FBXO7: variants seen among roughly 807,000 people sequenced by gnomAD.
The protein encoded by FBXO7 is F-box protein 7, also known as F-box only protein 7.
FBXO7 carries 31 observed loss-of-function variants against 50.2 expected under a neutral mutation model. The ratio of observed to expected loss-of-function variants is 0.62; its 90% confidence interval spans 0.46 to 0.83. The LOEUF (loss-of-function observed/expected upper bound fraction) is 0.83. Among genes scored for constraint, FBXO7 ranks in the 40% least tolerant of loss-of-function variants. The pLI, the probability that FBXO7 is intolerant of heterozygous loss-of-function variation, is 0.00. For synonymous variants in FBXO7, 256 were observed against 253.1 expected (o/e 1.01, Z -0.11); for missense variants, 667 against 646.6 (o/e 1.03, Z -0.34).
rs1568976180 is a variant in FBXO7, at chr22:32,487,724, CTTTCT to C, written c.788-17_788-13del. The C allele has an allele frequency of 1.3e-6, 2 of 1,523,212 alleles. No homozygotes were observed. The highest frequency in any genetic ancestry group is 3.4e-5 in the Admixed American group (2 of 59,360). 94.4% of individuals were successfully genotyped at this position (1,523,212 alleles called of 1,614,324 possible). A position where few individuals can be genotyped will look rare whatever the true frequency, so the allele number is the denominator to read the frequency against. Reference sequence around the variant, plus strand: ...ATGAAGTGACAGAATTCTTTATCATCTTTCTTTTGTTTATTTACAGCTACACTAAA... The same window carrying C: ...ATGAAGTGACAGAATTCTTTATCATCTTTGTTTATTTACAGCTACACTAAA... On this transcript the variant is annotated splice_polypyrimidine_tract_variant and intron_variant, in intron 4 of 8. Transcript: ENST00000266087.
chr22:32,475,379 G>C, intron 1 of FBXO7: 2 of 1,611,374 alleles, frequency 1.2e-6, no homozygotes, highest in Middle Eastern at 1.7e-4. Context: ...GGCCTCCCGG[G>C]GGCTCTGGTC....
chr22:32,493,213 G>T lies in FBXO7; in HGVS notation c.1076G>T (p.Cys359Phe), dbSNP rs760820410. Residue 359 changes from cysteine to phenylalanine, a missense_variant, in exon 7 of 9, where the codon TGT (cysteine) becomes TTT (phenylalanine). Physicochemically the swap from Cys to Phe is radical, Grantham distance 205. Coordinates refer to ENST00000266087, the MANE Select transcript of FBXO7 (RefSeq NM_012179.4). ...TCCGTCTTGTCTTTGTCTGCGGTTTGTCGTGACCTCTTTACTGCTTCAAAT... is the reference window on the plus strand; with the variant it reads ...TCCGTCTTGTCTTTGTCTGCGGTTTTTCGTGACCTCTTTACTGCTTCAAAT... ...VRSVLSLSAV[C>F]RDLFTASNDP... is the part of the protein sequence containing the mutation. 6.2e-7 allele frequency: 1 copy of T among 1,614,142 alleles called. No individual in the cohort carries two copies. Among genetic ancestry groups the T allele is most frequent in the East Asian group, 2.2e-5 (1 of 44,878 alleles).
At chr22:32,477,563 GTT>G (rs2057437002) in intron 1 of FBXO7, among the ~76,000 whole-genome samples, 1 of 152,182 alleles carries the variant, frequency 6.6e-6, no homozygotes. Context: ...TTTGCGCTAT[GTT>G]CCACTAAAAG....
At chr22:32,475,554 G>A in intron 1 of FBXO7, 1 of 931,958 alleles carries the variant, frequency 1.1e-6, no homozygotes, top group Non-Finnish European at 1.5e-6. Flanking sequence ...TTCTTCAGCT[G>A]TTGGAGTATT....
At chr22:32,494,127 A>AAAG (rs2057556960) in intron 7 of FBXO7, among the ~76,000 whole-genome samples, 1 of 143,422 alleles carries the variant, frequency 7.0e-6, no homozygotes, top group Non-Finnish European at 1.5e-5. Flanking sequence ...AAAAAAAAAA[A>AAAG]GAATATCATG....
chr22:32,488,819 A>AT (rs1226071588), intron 5 of FBXO7: 15 of 150,698 alleles, frequency 1.0e-4, no homozygotes, highest in South Asian at 2.1e-4. Flanking sequence ...GCTGAATTGA[A>AT]TTTTTTTTTT....
In FBXO7 at chr22:32,487,718, T is replaced by C. The variant is rs901783134; in HGVS notation, c.788-27T>C. On this transcript the variant is annotated intron_variant, in intron 4 of 8. Transcript: ENST00000266087. ...CAGTTGATGAAGTGACAGAATTCTT[T>C]ATCATCTTTCTTTTGTTTATTTACA... is the stretch of plus-strand genomic sequence containing the variant. 6.8e-6 allele frequency: 10 copies of C among 1,468,528 alleles called. No individual in the cohort carries two copies. The Admixed American group carries it at 8.5e-5, about 12-fold the overall frequency. The allele number at this position is 1,468,528 out of a possible 1,614,324, so 91.0% of individuals were successfully genotyped here. A position where few individuals can be genotyped will look rare whatever the true frequency, so the allele number is the denominator to read the frequency against.
At chr22:32,483,153 G>A (rs1215261075) in intron 2 of FBXO7, among the ~76,000 whole-genome samples, 1 of 152,218 alleles carries the variant, frequency 6.6e-6, no homozygotes, top group African/African-American at 2.4e-5. Flanking sequence ...CAGGGATGTT[G>A]ACTGCTGAGG....
intron 7 of FBXO7, among the ~76,000 whole-genome samples, chr22:32,495,051 A>G (rs551292695): frequency 5.3e-5 from 8 of 152,350 alleles, no homozygotes; most frequent in African/African-American, 1.9e-4. Context: ...ATGAAAGCCT[A>G]AGTCAGCTTG....
At chr22:32,492,297 CTG>C (rs552228615) in intron 6 of FBXO7, 2 of 152,150 alleles carry the variant, frequency 1.3e-5, no homozygotes, top group Non-Finnish European at 2.9e-5. Flanking sequence ...GTAGTCTTCT[CTG>C]TAGTTGGTGA....
intron 5 of FBXO7, chr22:32,490,785 A>C (rs1445257128): frequency 1.6e-5 from 6 of 365,770 alleles, no homozygotes; most frequent in Non-Finnish European, 3.1e-5. Flanking sequence ...ATTGATAGCT[A>C]TCAGGAAATC....
intron 6 of FBXO7, chr22:32,491,576 TA>T (rs1375353619): frequency 4.9e-5 from 7 of 144,220 alleles, no homozygotes; most frequent in African/African-American, 1.7e-4. Flanking sequence ...TTTAGATATA[TA>T]TGTCTATATA....
At chr22:32,498,105 T>G in intron 8 of FBXO7, 39 bp from the exon 9 acceptor site, 1 of 1,607,026 alleles carries the variant, frequency 6.2e-7, no homozygotes, top group Non-Finnish European at 8.5e-7. Context: ...TCCAGATCAC[T>G]TACCTTATCT....
At chr22:32,494,775 A>T (rs2074208827) in intron 7 of FBXO7, among the ~76,000 whole-genome samples, 1 of 152,172 alleles carries the variant, frequency 6.6e-6, no homozygotes, top group Non-Finnish European at 1.5e-5. Flanking sequence ...CTCATTTGTA[A>T]GCTGTTCAGA....
chr22:32,487,879 T>A, intron 5 of FBXO7, 51 bp downstream of exon 5: 1 of 1,145,706 alleles, frequency 8.7e-7, no homozygotes, highest in Non-Finnish European at 1.3e-6. Context: ...GAAATTCATA[T>A]AAGAAAAAAA....
intron 4 of FBXO7, chr22:32,487,376 G>T: frequency 5.4e-6 from 1 of 185,028 alleles, no homozygotes. Flanking sequence ...CATTGCCAAG[G>T]GTTAAATAAA....
At chr22:32,492,294 TCTC>T (rs2057543029) in intron 6 of FBXO7, 1 of 152,240 alleles carries the variant, frequency 6.6e-6, no homozygotes, top group South Asian at 2.1e-4. Flanking sequence ...ACAGTAGTCT[TCTC>T]TGTAGTTGGT....
At chr22:32,475,257 G>A (rs945711960) in intron 1 of FBXO7, 133 bp downstream of exon 1, 1 of 1,555,606 alleles carries the variant, frequency 6.4e-7, no homozygotes, top group Non-Finnish European at 8.6e-7. Context: ...GGGGACGCCG[G>A]GGGGGCCTTC....
chr22:32,478,903 T>C, intron 1 of FBXO7, 78 bp from the exon 2 acceptor site: 1 of 1,295,122 alleles, frequency 7.7e-7, no homozygotes, highest in South Asian at 1.2e-5. Context: ...TACTGTGTAC[T>C]TATGTATGCT....
Sources: gnomAD v4.1 joint callset for allele counts (sites outside exome capture counted in the v4.1 genomes callset) on GRCh38, gnomAD v4.1.1 for gene constraint, MANE v1.5 for transcripts, NCBI Gene and HGNC (gene_info 2026-07-23, HGNC 2026-07-21) for gene names.